ASTN2: variants seen among roughly 807,000 people sequenced by gnomAD.
The protein encoded by ASTN2 is astrotactin 2.
Under a neutral mutation model 139.8 loss-of-function variants are expected in ASTN2, and 54 were observed. The ratio of observed to expected loss-of-function variants is 0.39; its 90% confidence interval spans 0.31 to 0.48. The LOEUF (loss-of-function observed/expected upper bound fraction) is 0.48, where lower values mean the gene tolerates loss of function less well. ASTN2 is among the 20% of genes least tolerant of loss of function. The pLI is 0.95. For synonymous variants in ASTN2, 756 were observed against 719.5 expected, an observed-to-expected ratio of 1.05 and a Z score of -0.81; for missense variants, 1,565 against 1,725.1, an observed-to-expected ratio of 0.91 and a Z score of 1.64.
chr9:117,214,878 G>A (rs979528738), intron 2 of ASTN2, 136 bp from the exon 3 acceptor site: 1 of 1,073,892 alleles, frequency 9.3e-7, no homozygotes, highest in Non-Finnish European at 1.2e-6. Context: ...ACCAGCCGTG[G>A]TTTTTAAGCT....
At chr9:117,395,992 T>C (rs1055580751) in intron 1 of ASTN2, among the ~76,000 whole-genome samples, 5 of 152,184 alleles carry the variant, frequency 3.3e-5, no homozygotes, top group African/African-American at 9.7e-5. Flanking sequence ...AACTTTACTA[T>C]TGGAACCACA....
intron 10 of ASTN2, among the ~76,000 whole-genome samples, chr9:116,938,505 G>T (rs28494719): frequency 6.6e-6 from 1 of 152,154 alleles, no homozygotes; most frequent in Non-Finnish European, 1.5e-5. Flanking sequence ...CTGCCCTTGA[G>T]CTGGCTGCTG....
chr9:116,509,092 T>C (rs1026442659), intron 19 of ASTN2, among the ~76,000 whole-genome samples: 4 of 152,178 alleles, frequency 2.6e-5, no homozygotes, highest in South Asian at 2.1e-4. Context: ...ATGTGCCATG[T>C]TGGTGTGCTG....
At chr9:116,620,542 A>G in intron 17 of ASTN2, 99 bp from the exon 18 acceptor site, 1 of 1,463,638 alleles carries the variant, frequency 6.8e-7, no homozygotes, top group Non-Finnish European at 9.5e-7. Context: ...CGAGGGCTTT[A>G]GAGTAGCCCC....
intron 19 of ASTN2, among the ~76,000 whole-genome samples, 177 bp downstream of exon 19, chr9:116,618,147 C>T (rs1855945531): frequency 6.6e-6 from 1 of 152,174 alleles, no homozygotes; most frequent in Admixed American, 6.5e-5. Context: ...TGCTATCTTT[C>T]CTTGATCAAA....
chr9:116,548,823 C>T (rs901913401), intron 19 of ASTN2, among the ~76,000 whole-genome samples: 1 of 152,098 alleles, frequency 6.6e-6, no homozygotes, highest in African/African-American at 2.4e-5. Context: ...CATAAATTAC[C>T]ATTGAACTGG....
At chr9:117,041,663 G>A (rs116177091) in intron 5 of ASTN2, among the ~76,000 whole-genome samples, 2,456 of 152,252 alleles carry the variant, frequency 0.016, 86 homozygotes, top group African/African-American at 0.056. Context: ...CTGGTTGCAG[G>A]ATGTGATCCA....
rs115121722 is a variant in ASTN2 at position 116,846,695 on chromosome 9, A to G, written c.2040+16888T>C. Among the ~76,000 whole-genome samples the G allele has an allele frequency of 6.2e-3, 941 of 152,308 alleles. 9 individuals carry two copies. Among genetic ancestry groups the G allele is most frequent in the African/African-American group, 0.021 (882 of 41,576 alleles). ...CATCCCTGCCCTTCTCTGGCCGTCA[A>G]TCTTCCTAACTGTCCAGTGAGAAAA... On this transcript the variant is annotated intron_variant, in intron 11 of 22. Coordinates refer to ENST00000313400, the MANE Select transcript of ASTN2 (RefSeq NM_001365068.1).
intron 13 of ASTN2, among the ~76,000 whole-genome samples, chr9:116,740,826 T>G (rs1829080738): frequency 6.6e-6 from 1 of 151,464 alleles, no homozygotes; most frequent in South Asian, 2.1e-4. Context: ...AAAGTTATTT[T>G]TAATGCTAGC....
chr9:116,555,545 C>A (rs1852570609), intron 19 of ASTN2, among the ~76,000 whole-genome samples: 1 of 152,146 alleles, frequency 6.6e-6, no homozygotes, highest in Non-Finnish European at 1.5e-5. Flanking sequence ...ACCCCGTCCC[C>A]ACCCCAGGCC....
rs57891581 is a variant in ASTN2 at position 116,737,610 on chromosome 9, CGTGTGTGT to C, written c.2397-4095_2397-4088del. On this transcript the variant is annotated intron_variant, in intron 13 of 22. Transcript: ENST00000313400. ...AGTTATGCTGTAGCTCATGTGCCAA[CGTGTGTGT>C]GTGTGTGTGTGTGTGTGTGTGTGTG... 2.7e-3 allele frequency among the ~76,000 whole-genome samples: 372 copies of C among 137,320 alleles called. 2 individuals are homozygous for C. The highest frequency in any genetic ancestry group is 5.0e-3 in the African/African-American group (187 of 37,050). The allele number at this position is 137,320 out of a possible 152,430, so 90.1% of individuals were successfully genotyped here.
In ASTN2 at chr9:116,699,067, T is replaced by C. The variant is rs758934164; in HGVS notation, c.2806+26704A>G. The C allele has an allele frequency of 1.9e-6, 3 of 1,614,164 alleles. No individual in the cohort carries two copies. Among genetic ancestry groups the C allele is most frequent in the East Asian group, 2.2e-5 (1 of 44,870 alleles). ...GTGGCAATGAACTGCCAGGGGCTGATTGGTGTGACTGACAGCTATGATAAC... is the reference window on the plus strand; with the variant it reads ...GTGGCAATGAACTGCCAGGGGCTGACTGGTGTGACTGACAGCTATGATAAC... On this transcript the variant is annotated intron_variant, in intron 16 of 22. Coordinates refer to ENST00000313400, the MANE Select transcript of ASTN2 (RefSeq NM_001365068.1). This position sits in a 1 kb window ranked among gnomAD's most constrained non-coding sequence, Gnocchi z 4.2.
chr9:117,032,189 G>T (rs1251595086), intron 6 of ASTN2, among the ~76,000 whole-genome samples: 1 of 152,102 alleles, frequency 6.6e-6, no homozygotes, highest in Non-Finnish European at 1.5e-5. Flanking sequence ...ATTGAAGAAG[G>T]TTTTCTAGAG....
intron 10 of ASTN2, 96 bp downstream of exon 10, chr9:116,975,112 C>T: frequency 7.8e-7 from 1 of 1,283,844 alleles, no homozygotes; most frequent in Non-Finnish European, 1.0e-6. Context: ...AACTAAACAG[C>T]AAGAACACTC....
At chr9:117,037,727 G>A (rs1588500938) in intron 6 of ASTN2, among the ~76,000 whole-genome samples, 1 of 152,080 alleles carries the variant, frequency 6.6e-6, no homozygotes, top group Non-Finnish European at 1.5e-5. Context: ...ATGAAGGGTG[G>A]GGACATGCAT....
chr9:116,978,491 T>A lies in ASTN2; in HGVS notation c.1592-1706A>T, dbSNP rs12347397. ...ATGTATCTCTCTCTCTCTCTCTCTC[T>A]CACGCACACACACACACACACACAC... On this transcript the variant is annotated intron_variant, in intron 7 of 22. Transcript: ENST00000313400. Among the ~76,000 whole-genome samples, 274 of 116,216 alleles carry A rather than the reference T, an allele frequency of 2.4e-3. 1 individual carries two copies. The highest frequency in any genetic ancestry group is 8.1e-3 in the Middle Eastern group (2 of 248). 76.2% of individuals were successfully genotyped at this position (116,216 alleles called of 152,430 possible).
intron 3 of ASTN2, among the ~76,000 whole-genome samples, chr9:117,173,068 G>C (rs1157273907): frequency 6.6e-6 from 1 of 152,016 alleles, no homozygotes; most frequent in Non-Finnish European, 1.5e-5. Context: ...TAAGGAAAGG[G>C]ATAAAAGAAG....
chr9:116,573,836 T>C (rs1396226075), intron 19 of ASTN2, among the ~76,000 whole-genome samples: 1 of 152,216 alleles, frequency 6.6e-6, no homozygotes, highest in Non-Finnish European at 1.5e-5. Context: ...CATATACAAC[T>C]TCCACTTTGC....
At chr9:116,900,643 T>C (rs1002988230) in intron 10 of ASTN2, among the ~76,000 whole-genome samples, 37 of 152,278 alleles carry the variant, frequency 2.4e-4, no homozygotes, top group Non-Finnish European at 4.7e-4. Context: ...ACACACAGAA[T>C]GGAGGCAAGG....
Sources: allele counts gnomAD v4.1 joint callset (sites outside exome capture counted in the v4.1 genomes callset), GRCh38; gene constraint gnomAD v4.1.1; non-coding constraint Gnocchi (gnomAD v3.1); transcripts MANE v1.5; gene names NCBI Gene and HGNC (gene_info 2026-07-23, HGNC 2026-07-21).